The following UBE2W variants were observed in gnomAD, a reference collection of about 807,000 sequenced individuals.
UBE2W encodes the protein ubiquitin-conjugating enzyme E2 W.
A neutral mutation model predicts 27.2 loss-of-function variants in UBE2W; 18 were observed. That is an observed-to-expected ratio of 0.66 (90% CI 0.46 to 0.98). The LOEUF (loss-of-function observed/expected upper bound fraction) is 0.98, where lower values mean the gene tolerates loss of function less well. Ranked by LOEUF, UBE2W falls within the 50% of genes least tolerant of loss-of-function variation. UBE2W has a pLI of 0.00. For missense variants in UBE2W, 90 were observed against 180.2 expected, an observed-to-expected ratio of 0.50 and a Z score of 2.87; for synonymous variants, 53 against 57.2, an observed-to-expected ratio of 0.93 and a Z score of 0.33.
downstream of UBE2W, among the ~76,000 whole-genome samples, chr8:73,782,704 T>C (rs964820444): frequency 1.3e-5 from 2 of 152,194 alleles, no homozygotes; most frequent in African/African-American, 4.8e-5. Flanking sequence ...ACATAAAACA[T>C]AAAATGTTTT....
rs566405302 is a variant in UBE2W, at chr8:73,841,761, G to A, written c.16-11289C>T. Among the ~76,000 whole-genome samples the A allele has an allele frequency of 2.0e-5, 3 of 152,316 alleles. No individual in the cohort carries two copies. In the East Asian group the frequency reaches 5.8e-4, roughly 29 times the overall value. ...CTCTGAAATGTAAGGATTAGGACTG[G>A]ATTTTGCCGTGGAGATTTCAAACAA... On this transcript the variant is annotated intron_variant, in intron 1 of 5. Coordinates refer to ENST00000602593, the MANE Select transcript of UBE2W (RefSeq NM_018299.6).
At chr8:73,781,521 T>C (rs563781971), downstream of UBE2W, among the ~76,000 whole-genome samples, 1 of 152,138 alleles carries the variant, frequency 6.6e-6, no homozygotes, top group South Asian at 2.1e-4. Flanking sequence ...ACTATCACCC[T>C]CAACTCATTT....
At chr8:73,799,963 C>A (rs953613799) in intron 5 of UBE2W, among the ~76,000 whole-genome samples, 5 of 152,116 alleles carry the variant, frequency 3.3e-5, no homozygotes, top group Admixed American at 6.5e-5. Context: ...GGAAAAGATA[C>A]TGACTTGTGG....
In UBE2W at chr8:73,792,554, T is replaced by C. The variant is rs535945929; in HGVS notation, c.*1548A>G. 447 of 985,772 alleles carry C rather than the reference T, an allele frequency of 4.5e-4. 7 individuals are homozygous for C. The South Asian group carries it at 0.019, about 41-fold the overall frequency. The allele number at this position is 985,772 out of a possible 1,614,324, so 61.1% of individuals were successfully genotyped here. A position where few individuals can be genotyped will look rare whatever the true frequency, so the allele number is the denominator to read the frequency against. On this transcript the variant is annotated 3_prime_UTR_variant, in exon 6 of 6. Coordinates refer to ENST00000602593, the MANE Select transcript of UBE2W (RefSeq NM_018299.6). ...TTGAATGGTTTTACTGGGGTACGTATTTCAAACCTTTCAGCCAACTGGCTT... is the reference window on the plus strand; with the variant it reads ...TTGAATGGTTTTACTGGGGTACGTACTTCAAACCTTTCAGCCAACTGGCTT...
chr8:73,785,302 T>A (rs1388808643), downstream of UBE2W, among the ~76,000 whole-genome samples: 1 of 151,706 alleles, frequency 6.6e-6, no homozygotes, highest in Non-Finnish European at 1.5e-5. Flanking sequence ...TGTGCCACCA[T>A]GCCCAGCTTT....
At chr8:73,805,623 A>T (rs1412126780) in intron 5 of UBE2W, 28 bp downstream of exon 5, 3 of 1,407,226 alleles carry the variant, frequency 2.1e-6, no homozygotes, top group Non-Finnish European at 2.9e-6. Context: ...AAAATGCTAA[A>T]AAGTTATTAC....
At chr8:73,851,194 CTTT>C (rs71561537) in intron 1 of UBE2W, among the ~76,000 whole-genome samples, 4 of 146,532 alleles carry the variant, frequency 2.7e-5, no homozygotes, top group Admixed American at 6.9e-5. Context: ...GTTTCATTAT[CTTT>C]TTTTTTTTTT....
intron 3 of UBE2W, among the ~76,000 whole-genome samples, chr8:73,817,783 G>A (rs1035717910): frequency 1.3e-5 from 2 of 152,186 alleles, no homozygotes; most frequent in African/African-American, 2.4e-5. Flanking sequence ...AAAGTGCTGG[G>A]ATTAGAGGCA....
intron 1 of UBE2W, among the ~76,000 whole-genome samples, chr8:73,866,947 G>A (rs1811801400): frequency 1.3e-5 from 2 of 151,294 alleles, no homozygotes; most frequent in African/African-American, 4.9e-5. Flanking sequence ...AGAGGTTGCA[G>A]TGAGCCGAGA....
chr8:73,857,551 C>A (rs748515370), intron 1 of UBE2W, among the ~76,000 whole-genome samples: 20 of 152,192 alleles, frequency 1.3e-4, no homozygotes, highest in Non-Finnish European at 2.6e-4. Context: ...GGCGCAGTGG[C>A]TCACACCTGT....
chr8:73,826,956 C>G (rs546607545), intron 2 of UBE2W, among the ~76,000 whole-genome samples: 1 of 152,332 alleles, frequency 6.6e-6, no homozygotes, highest in South Asian at 2.1e-4. Flanking sequence ...CCTTCTTAAT[C>G]TTCGAAATTC....
intron 3 of UBE2W, among the ~76,000 whole-genome samples, chr8:73,821,105 T>C (rs973179690): frequency 1.4e-4 from 21 of 152,328 alleles, no homozygotes; most frequent in African/African-American, 4.6e-4. Context: ...TAGGCATTTT[T>C]TCCACACCGG....
chr8:73,783,906 C>T (rs2130826270), downstream of UBE2W, among the ~76,000 whole-genome samples: 1 of 152,246 alleles, frequency 6.6e-6, no homozygotes, highest in East Asian at 1.9e-4. Flanking sequence ...GGATTACAGG[C>T]ACATGCCACC....
chr8:73,805,680 T>C lies in UBE2W; in HGVS notation c.413A>G (p.Asn138Ser). ...NSFYVRTCNK[N>S]PKKTKWWYHD... is the part of the protein sequence containing the mutation. ...ATACCACCATTTTGTTTTCTTTGGA[T>C]TCTTGTTACATGTTCGCACATAAAA... Residue 138 changes from asparagine to serine, a missense_variant, in exon 5 of 6, where the codon AAT becomes AGT. Asn to Ser is a conservative substitution (Grantham distance 46). Transcript: ENST00000602593. 6.5e-7 allele frequency: 1 copy of C among 1,550,032 alleles called. No homozygotes were observed.
chr8:73,817,557 C>T (rs889995440), intron 3 of UBE2W, among the ~76,000 whole-genome samples: 44 of 152,024 alleles, frequency 2.9e-4, no homozygotes, highest in African/African-American at 9.4e-4. Flanking sequence ...CTCGTTCTGT[C>T]GCCAGGCTGG....
chr8:73,782,997 G>T (rs1807870440), downstream of UBE2W, among the ~76,000 whole-genome samples: 1 of 152,056 alleles, frequency 6.6e-6, no homozygotes, highest in African/African-American at 2.4e-5. Flanking sequence ...GTTTTTATTT[G>T]TATTTTGCTA....
chr8:73,827,426 C>T (rs1809891420), intron 2 of UBE2W, among the ~76,000 whole-genome samples: 1 of 152,094 alleles, frequency 6.6e-6, no homozygotes, highest in African/African-American at 2.4e-5. Flanking sequence ...GTTTTTCAGG[C>T]TGGTCTCGAA....
chr8:73,782,937 T>C (rs1323897460), downstream of UBE2W, among the ~76,000 whole-genome samples: 1 of 152,206 alleles, frequency 6.6e-6, no homozygotes. Flanking sequence ...CAACTTGGTA[T>C]GGTCAATGCA....
chr8:73,798,095 C>A (rs1303842823), intron 5 of UBE2W, among the ~76,000 whole-genome samples: 2 of 152,142 alleles, frequency 1.3e-5, no homozygotes, highest in Non-Finnish European at 2.9e-5. Flanking sequence ...TGAGACCAAT[C>A]TGGGCAACAT....
Sources: gnomAD v4.1 joint callset for allele counts (sites outside exome capture counted in the v4.1 genomes callset) on GRCh38, gnomAD v4.1.1 for gene constraint, MANE v1.5 for transcripts, NCBI Gene and HGNC (gene_info 2026-07-23, HGNC 2026-07-21) for gene names.